The following S100A13 variants were observed in gnomAD, a reference collection of about 807,000 sequenced individuals.
S100A13 encodes the protein S100 calcium binding protein A13.
A neutral mutation model predicts 8.2 loss-of-function variants in S100A13; 6 were observed. The ratio of observed to expected loss-of-function variants is 0.73; its 90% CI spans 0.40 to 1.44. The LOEUF is 1.44. Ranked by LOEUF, S100A13 falls within the 40% of genes most tolerant of loss-of-function variation. The pLI is 0.02. For missense variants in S100A13, 114 were observed against 113.6 expected (o/e 1.00, Z -0.02); for synonymous variants, 39 against 45.9 (o/e 0.85, Z 0.61).
upstream of S100A13, chr1:153,628,131 C>A: frequency 1.3e-6 from 2 of 1,550,550 alleles, no homozygotes; most frequent in African/African-American, 1.4e-5. Flanking sequence ...CGGGCTCAAC[C>A]AGCACAGCCA....
chr1:153,631,057 T>C (rs1454296767), upstream of S100A13: 4 of 298,428 alleles, frequency 1.3e-5, no homozygotes, highest in Non-Finnish European at 2.5e-5. Flanking sequence ...ACTTGAACCA[T>C]GGATTTCCAT....
intron 2 of S100A13, among the ~76,000 whole-genome samples, chr1:153,619,693 G>A (rs1667114483): frequency 6.6e-6 from 1 of 152,152 alleles, no homozygotes; most frequent in Non-Finnish European, 1.5e-5. Flanking sequence ...AGATAAACAA[G>A]CACAACCAAA....
intron 2 of S100A13, among the ~76,000 whole-genome samples, chr1:153,626,029 G>A (rs1159835608): frequency 5.3e-5 from 8 of 152,148 alleles, no homozygotes; most frequent in Admixed American, 6.5e-5. Context: ...TAGGCTCGGC[G>A]TGGTGGCACA....
At chr1:153,625,827 T>C (rs1350994954) in intron 2 of S100A13, among the ~76,000 whole-genome samples, 2 of 152,158 alleles carry the variant, frequency 1.3e-5, no homozygotes, top group Non-Finnish European at 2.9e-5. Flanking sequence ...CTTACCTAAT[T>C]ATATGCATGG....
chr1:153,630,486 A>G (rs757806196), upstream of S100A13: 7 of 1,611,944 alleles, frequency 4.3e-6, no homozygotes, highest in South Asian at 7.7e-5. Flanking sequence ...TCCTCAGCTC[A>G]CTTCCATGAT....
In S100A13 at chr1:153,618,918, C is replaced by A. The variant is rs1476802388; in HGVS notation, c.274G>T (p.Asp92Tyr). 1 of 1,613,994 alleles carries A rather than the reference C, an allele frequency of 6.2e-7. No individual in the cohort carries two copies. The highest frequency in any genetic ancestry group is 1.3e-5 in the African/African-American group (1 of 74,906). ...ELAKEIRKKK[D>Y]LKIRKK ...CTTTACTTCTTCCTGATCTTCAGGT[C>A]TTTCTTCTTCCTGATTTCCTTGGCC... Residue 92 changes from aspartate (D) to tyrosine (Y), a missense_variant, in exon 3 of 3, where the codon GAC (aspartate) becomes TAC (tyrosine). Asp to Tyr is a radical substitution (Grantham distance 160, BLOSUM62 -3). Coordinates refer to ENST00000476133, the MANE Select transcript of S100A13 (RefSeq NM_001024211.2).
upstream of S100A13, chr1:153,630,775 T>G: frequency 7.2e-7 from 1 of 1,394,192 alleles, no homozygotes; most frequent in Non-Finnish European, 9.7e-7. Context: ...CCTCTTTCTT[T>G]CCTTTCCCAG....
chr1:153,626,428 G>C lies in S100A13; in HGVS notation c.45C>G (p.Thr15=), dbSNP rs113541380. 21,625 of 1,614,098 alleles carry C rather than the reference G, an allele frequency of 0.013. 191 individuals carry two copies. Among genetic ancestry groups the C allele is most frequent in the Non-Finnish European group, 0.015 (17,682 of 1,179,984 alleles). The change falls in exon 2 of 3, where the codon ACC becomes ACG. Residue 15 remains threonine, a synonymous_variant. Coordinates refer to ENST00000476133, the MANE Select transcript of S100A13 (RefSeq NM_001024211.2). ...CAAAGGTGAAGAAGGTGGTGACCAC[G>C]GTCTCAATGGACTCCTCTAGCTCTG... ...PLTELEESIE[T]VVTTFFTFAR... is the part of the protein sequence containing the mutation.
upstream of S100A13, chr1:153,631,120 A>C: frequency 3.2e-6 from 1 of 307,944 alleles, no homozygotes; most frequent in East Asian, 6.5e-5. Context: ...AACTGAATGA[A>C]CAAAAGCATG....
chr1:153,628,310 A>G, upstream of S100A13: 4 of 1,510,324 alleles, frequency 2.6e-6, no homozygotes, highest in Non-Finnish European at 3.6e-6. Context: ...CAGGAGACAG[A>G]GGGCGCCTCT....
upstream of S100A13, chr1:153,630,950 C>T (rs775981516): frequency 1.9e-4 from 84 of 453,356 alleles, no homozygotes; most frequent in Non-Finnish European, 2.7e-4. Flanking sequence ...AAACCATGAA[C>T]TCCAGGAAAT....
intron 2 of S100A13, among the ~76,000 whole-genome samples, chr1:153,620,236 GAGA>G (rs1667149160): frequency 6.6e-6 from 1 of 152,086 alleles, no homozygotes; most frequent in Non-Finnish European, 1.5e-5. Flanking sequence ...GTGGTGAGCA[GAGA>G]TCGCGCCATT....
At chr1:153,631,189 G>A (rs1034744553), upstream of S100A13, 1 of 428,530 alleles carries the variant, frequency 2.3e-6, no homozygotes, top group African/African-American at 2.0e-5. Flanking sequence ...GAAGGATGTA[G>A]AAAACTAGGC....
intron 2 of S100A13, among the ~76,000 whole-genome samples, chr1:153,622,769 G>A (rs1415046215): frequency 1.3e-5 from 2 of 152,138 alleles, no homozygotes; most frequent in African/African-American, 4.8e-5. Context: ...GCCAGCTCTG[G>A]GTCCAGTCCT....
At chr1:153,625,031 C>T (rs1202088464) in intron 2 of S100A13, among the ~76,000 whole-genome samples, 1 of 152,068 alleles carries the variant, frequency 6.6e-6, no homozygotes, top group East Asian at 1.9e-4. Flanking sequence ...GCCAAGATCG[C>T]ACCATTGCAC....
At chr1:153,620,241 C>T (rs1324793796) in intron 2 of S100A13, among the ~76,000 whole-genome samples, 3 of 151,772 alleles carry the variant, frequency 2.0e-5, no homozygotes, top group Non-Finnish European at 4.4e-5. Context: ...GAGCAGAGAT[C>T]GCGCCATTGC....
chr1:153,622,680 A>G (rs1667346071), intron 2 of S100A13, among the ~76,000 whole-genome samples: 1 of 152,192 alleles, frequency 6.6e-6, no homozygotes, highest in South Asian at 2.1e-4. Context: ...CTCAGTTTCC[A>G]TATATGTGAA....
At chr1:153,633,493 C>G (rs1272837001), upstream of S100A13, among the ~76,000 whole-genome samples, 1 of 151,986 alleles carries the variant, frequency 6.6e-6, no homozygotes, top group Non-Finnish European at 1.5e-5. Context: ...AAGGAGTAAA[C>G]AGTATCTAGG....
At chr1:153,620,041 C>T (rs1480399650) in intron 2 of S100A13, among the ~76,000 whole-genome samples, 3 of 152,068 alleles carry the variant, frequency 2.0e-5, no homozygotes, top group African/African-American at 7.2e-5. Context: ...AATCTCAACG[C>T]TTTGGGAGGC....
Sources: gnomAD v4.1 joint callset for allele counts (sites outside exome capture counted in the v4.1 genomes callset) on GRCh38, gnomAD v4.1.1 for gene constraint, MANE v1.5 for transcripts, NCBI Gene and HGNC (gene_info 2026-07-23, HGNC 2026-07-21) for gene names.